The following KIF15 variants were observed in gnomAD, a reference collection of about 807,000 sequenced individuals.
The protein encoded by KIF15 is kinesin-like protein KIF15.
A neutral mutation model predicts 190.6 loss-of-function variants in KIF15; 140 were observed. The observed-to-expected ratio is 0.73, with a 90% confidence interval of 0.64 to 0.84. KIF15 has a LOEUF of 0.84. Among genes scored for constraint, KIF15 ranks in the 40% least tolerant of loss-of-function variants. KIF15 has a pLI of 0.00. For missense variants in KIF15, 1,372 were observed against 1,584.4 expected (o/e 0.87, Z 2.28); for synonymous variants, 528 against 551.3 (o/e 0.96, Z 0.59).
intron 3 of KIF15, 71 bp downstream of exon 3, chr3:44,775,508 T>G (rs946470889): frequency 1.7e-6 from 2 of 1,164,068 alleles, no homozygotes; most frequent in Non-Finnish European, 2.4e-6. Context: ...CAGGCTGGAG[T>G]GCAGTGGCAT....
At chr3:44,827,322 C>A in intron 22 of KIF15, 137 bp from the exon 23 acceptor site, 1 of 603,546 alleles carries the variant, frequency 1.7e-6, no homozygotes, top group Non-Finnish European at 3.0e-6. Flanking sequence ...AATTTCTGAT[C>A]CCCCCGGAAG....
intron 6 of KIF15, among the ~76,000 whole-genome samples, chr3:44,867,360 A>G (rs74810092): frequency 0.019 from 2,830 of 151,000 alleles, 74 homozygotes; most frequent in African/African-American, 0.064. Flanking sequence ...TCCCTGATCT[A>G]GTCTGACCCC....
At chr3:44,812,764 C>T (rs530296453) in intron 18 of KIF15, among the ~76,000 whole-genome samples, 3 of 152,290 alleles carry the variant, frequency 2.0e-5, no homozygotes, top group Admixed American at 6.5e-5. Context: ...GCAGGTGGAT[C>T]GTCTGAGGTC....
At chr3:44,839,654 AC>A (rs1385530436) in intron 27 of KIF15, among the ~76,000 whole-genome samples, 1 of 152,172 alleles carries the variant, frequency 6.6e-6, no homozygotes, top group African/African-American at 2.4e-5. Context: ...ATACCCTTTG[AC>A]CAACATCTCC....
chr3:44,844,243 T>C (rs1188438658), intron 30 of KIF15, among the ~76,000 whole-genome samples: 4 of 152,166 alleles, frequency 2.6e-5, no homozygotes, highest in Non-Finnish European at 4.4e-5. Flanking sequence ...CAGGAGAGAT[T>C]TGAGGATGGT....
chr3:44,795,902 A>C (rs1386625405), intron 8 of KIF15, among the ~76,000 whole-genome samples: 3 of 152,076 alleles, frequency 2.0e-5, no homozygotes, highest in Non-Finnish European at 4.4e-5. Context: ...TCACTCTGTC[A>C]CCCAGCTGGA....
rs1330365018 is a variant in KIF15 at position 44,797,600 on chromosome 3, C to T, written c.899C>T (p.Thr300Ile). The T allele has an allele frequency of 1.2e-6, 2 of 1,613,814 alleles. No homozygotes were observed. Among genetic ancestry groups the T allele is most frequent in the Non-Finnish European group, 8.5e-7 (1 of 1,179,744 alleles). The stretch of plus-strand genomic sequence containing the variant: ...TTGAGCTGCCTGGGCCAAGTGATTA[C>T]AGCACTTGTCGACGTGGGTAATGGA... ...RSLSCLGQVI[T>I]ALVDVGNGKQ... is the part of the protein sequence containing the mutation. Residue 300 changes from threonine to isoleucine, a missense_variant, in exon 9 of 35, where the codon ACA (threonine) becomes ATA (isoleucine). Thr to Ile is a moderately conservative substitution (Grantham distance 89). Coordinates refer to ENST00000326047, the MANE Select transcript of KIF15 (RefSeq NM_020242.3).
chr3:44,762,124 T>C (rs1231944227), intron 1 of KIF15, among the ~76,000 whole-genome samples: 1 of 152,202 alleles, frequency 6.6e-6, no homozygotes, highest in Admixed American at 6.5e-5. Flanking sequence ...TTCTAGGCGC[T>C]CGGGATGAGC....
chr3:44,864,964 G>A, intron 6 of KIF15: 1 of 1,583,338 alleles, frequency 6.3e-7, no homozygotes, highest in Non-Finnish European at 8.6e-7. Context: ...ACCCTTAGAA[G>A]GAAGTCAGTC....
At chr3:44,804,312 A>G (rs941893955) in intron 14 of KIF15, among the ~76,000 whole-genome samples, 146 of 152,286 alleles carry the variant, frequency 9.6e-4, no homozygotes, top group African/African-American at 3.5e-3. Flanking sequence ...CAACTTTTAC[A>G]TGATCTTTTC....
chr3:44,770,388 G>A (rs1332199518), intron 1 of KIF15, among the ~76,000 whole-genome samples: 3 of 152,274 alleles, frequency 2.0e-5, no homozygotes, highest in Middle Eastern at 3.4e-3. Flanking sequence ...GCTGAACCCA[G>A]CTGTGGGTTT....
At chr3:44,795,612 C>T (rs1442816414) in intron 8 of KIF15, among the ~76,000 whole-genome samples, 2 of 152,010 alleles carry the variant, frequency 1.3e-5, no homozygotes, top group East Asian at 3.9e-4. Context: ...GGTTAAGTAT[C>T]TAGTCCTAGG....
intron 7 of KIF15, among the ~76,000 whole-genome samples, chr3:44,790,806 C>T (rs1706661114): frequency 6.6e-6 from 1 of 151,526 alleles, no homozygotes; most frequent in African/African-American, 2.4e-5. Context: ...TATTCTCCTG[C>T]CCCAGCCTCC....
intron 29 of KIF15, among the ~76,000 whole-genome samples, chr3:44,842,334 G>A (rs886736610): frequency 6.6e-6 from 1 of 152,118 alleles, no homozygotes; most frequent in African/African-American, 2.4e-5. Context: ...GCTCAGGGGT[G>A]GGGCACATGG....
intron 18 of KIF15, among the ~76,000 whole-genome samples, 164 bp from the exon 19 acceptor site, chr3:44,812,910 AG>A (rs1707854504): frequency 6.6e-6 from 1 of 151,984 alleles, no homozygotes; most frequent in South Asian, 2.1e-4. Flanking sequence ...ACTTGAACCC[AG>A]GAGGCGGAGG....
downstream of KIF15, among the ~76,000 whole-genome samples, chr3:44,856,721 T>G (rs1311458528): frequency 6.6e-6 from 1 of 152,152 alleles, no homozygotes; most frequent in Non-Finnish European, 1.5e-5. Context: ...GCCCTTGCAG[T>G]GTATGACTCC....
At chr3:44,828,404 A>T (rs1697795361) in intron 24 of KIF15, 104 bp downstream of exon 24, 9 of 719,496 alleles carry the variant, frequency 1.3e-5, no homozygotes, top group Non-Finnish European at 1.9e-5. Flanking sequence ...TGACCAATAG[A>T]TAATATGAAT....
Position 44,812,235 on chromosome 3 carries a change from A to G in KIF15, c.2223A>G (p.Leu741=). 2 of 1,614,184 alleles carry G rather than the reference A, an allele frequency of 1.2e-6. No homozygotes were observed. The highest frequency in any genetic ancestry group is 2.2e-5 in the East Asian group (1 of 44,860). The change falls in exon 18 of 35, where the codon CTA becomes CTG. Residue 741 remains leucine (L), a synonymous_variant. Transcript: ENST00000326047. ...AKLDEEEHKN[L]KLQQHVDKLE... ...TGGATGAAGAAGAGCATAAAAACCT[A>G]AAGCTTCAGCAGCATGTTGACAAAC...
intron 17 of KIF15, among the ~76,000 whole-genome samples, chr3:44,811,367 C>T (rs548668078): frequency 2.5e-4 from 38 of 152,236 alleles, no homozygotes; most frequent in Middle Eastern, 3.4e-3. Context: ...TAAAAGAGGC[C>T]GGGTGCGGTG....
Sources: allele counts gnomAD v4.1 joint callset (sites outside exome capture counted in the v4.1 genomes callset), GRCh38; gene constraint gnomAD v4.1.1; transcripts MANE v1.5; gene names NCBI Gene and HGNC (gene_info 2026-07-23, HGNC 2026-07-21).